CTSV: variants seen among roughly 807,000 people sequenced by gnomAD.
CTSV encodes cathepsin V.
In CTSV, 33 loss-of-function variants were observed where a neutral mutation model predicts 35.6. That is an observed-to-expected ratio of 0.93 (90% CI 0.70 to 1.24). CTSV has a LOEUF of 1.24. CTSV is among the 50% of genes most tolerant of loss of function. CTSV has a pLI of 0.00. For synonymous variants in CTSV, 154 were observed against 147.1 expected (o/e 1.05, Z -0.34); for missense variants, 408 against 413.1 (o/e 0.99, Z 0.11).
intron 7 of CTSV, among the ~76,000 whole-genome samples, chr9:97,033,409 G>C (rs1669727926): frequency 6.7e-6 from 1 of 149,142 alleles, no homozygotes; most frequent in Admixed American, 6.7e-5. Flanking sequence ...TCAGGAGTTT[G>C]AGACCAGCTT....
chr9:97,035,763 C>T (rs1343752874), intron 5 of CTSV, 70 bp from the exon 6 acceptor site: 10 of 1,126,178 alleles, frequency 8.9e-6, no homozygotes, highest in Admixed American at 7.1e-5. Flanking sequence ...GTTCTAGAAC[C>T]GAAACACTCA....
rs1393605154 is a variant in CTSV, at chr9:97,037,832, C to T, written c.126+86G>A. 3.2e-6 allele frequency: 5 copies of T among 1,551,620 alleles called. No individual in the cohort carries two copies. In the East Asian group the frequency reaches 1.1e-4, roughly 35 times the overall value. ...GTTATTGCCTGGTAAGGTCTGGTGT[C>T]TAGAAGCTACTCTCTGGCTATCAAC... is the stretch of plus-strand genomic sequence containing the variant. On this transcript the variant is annotated intron_variant, in intron 2 of 7. Transcript: ENST00000259470.
In CTSV at chr9:97,037,931, C is replaced by A. The variant is rs1172534938; in HGVS notation, c.113G>T (p.Arg38Ile). 6.2e-7 allele frequency: 1 copy of A among 1,614,062 alleles called. No homozygotes were observed. Among genetic ancestry groups the A allele is most frequent in the Non-Finnish European group, 8.5e-7 (1 of 1,180,016 alleles). Reference sequence around the variant, plus strand: ...GATGTTACCAACCGCGCCATATAATCTTCTGTGTGTTGCCTTCCACTGGTA... The same window carrying A: ...GATGTTACCAACCGCGCCATATAATATTCTGTGTGTTGCCTTCCACTGGTA... Reference protein sequence around the residue: ...KWYQWKATHRRLYGANEEGWR... With the variant: ...KWYQWKATHRILYGANEEGWR... The change falls in exon 2 of 8, where the codon AGA (arginine) becomes ATA (isoleucine). Residue 38 changes from arginine (R) to isoleucine (I), a missense_variant. Arg to Ile is a moderately conservative substitution (Grantham distance 97). Coordinates refer to ENST00000259470, the MANE Select transcript of CTSV (RefSeq NM_001333.4).
At position 97,032,844 on chromosome 9, in the gene CTSV, A is replaced by G. The variant is rs1488195832; in HGVS notation, c.*105T>C. ...ATTAAAATCTCAACTTGGATCCTCA[A>G]TGATTCAACTGGTTTATCTTACACA... On this transcript the variant is annotated 3_prime_UTR_variant, in exon 8 of 8. Coordinates refer to ENST00000259470, the MANE Select transcript of CTSV (RefSeq NM_001333.4). 5 of 681,014 alleles carry G rather than the reference A, an allele frequency of 7.3e-6. No individual in the cohort carries two copies. Among genetic ancestry groups the G allele is most frequent in the Non-Finnish European group, 7.2e-6 (3 of 418,994 alleles). 42.2% of individuals were successfully genotyped at this position (681,014 alleles called of 1,614,324 possible). A position where few individuals can be genotyped will look rare whatever the true frequency, so the allele number is the denominator to read the frequency against.
intron 1 of CTSV, chr9:97,038,643 C>T (rs1265031188): frequency 1.3e-5 from 2 of 152,538 alleles, no homozygotes; most frequent in African/African-American, 4.8e-5. Flanking sequence ...GGCCGCGCCG[C>T]TGGAAGCCAG....
At chr9:97,035,317 G>T (rs1023667321) in intron 6 of CTSV, among the ~76,000 whole-genome samples, 1 of 152,188 alleles carries the variant, frequency 6.6e-6, no homozygotes, top group Non-Finnish European at 1.5e-5. Context: ...GGAAAATTAG[G>T]TTGTCTCTAT....
intron 1 of CTSV, 73 bp from the exon 2 acceptor site, chr9:97,038,126 G>T: frequency 6.9e-7 from 1 of 1,443,994 alleles, no homozygotes. Context: ...CCGTGGAATA[G>T]AAATATTTCA....
rs1276688775 is a variant in CTSV, at chr9:97,030,287, G to C, written c.*2662C>G. Reference sequence around the variant, plus strand: ...CTTATTGCTAAGTCCATAGCCTCTAGTATGATGCCCAAGTGTCATAACTAC... The same window carrying C: ...CTTATTGCTAAGTCCATAGCCTCTACTATGATGCCCAAGTGTCATAACTAC... On this transcript the variant is annotated 3_prime_UTR_variant, in exon 8 of 8. Transcript: ENST00000259470. 2 of 152,200 alleles carry C rather than the reference G, an allele frequency of 1.3e-5. No individual in the cohort carries two copies. The highest frequency in any genetic ancestry group is 2.9e-5 in the Non-Finnish European group (2 of 68,036). 9.4% of individuals were successfully genotyped at this position (152,200 alleles called of 1,614,324 possible).
intron 7 of CTSV, among the ~76,000 whole-genome samples, chr9:97,033,652 G>T (rs1828793305): frequency 6.6e-6 from 1 of 150,990 alleles, no homozygotes; most frequent in South Asian, 2.1e-4. Context: ...ATAAAAATTG[G>T]CCAGGCGTGG....
Position 97,032,843 on chromosome 9 carries a change from A to C in CTSV, c.*106T>G, listed in dbSNP as rs15394. 0.21 allele frequency: 137,264 copies of C among 665,888 alleles called. 19,678 individuals carry two copies. Among genetic ancestry groups the C allele is most frequent in the East Asian group, 0.51 (18,578 of 36,778 alleles). 41.2% of individuals were successfully genotyped at this position (665,888 alleles called of 1,614,324 possible). The stretch of plus-strand genomic sequence containing the variant: ...AATTAAAATCTCAACTTGGATCCTC[A>C]ATGATTCAACTGGTTTATCTTACAC... On this transcript the variant is annotated 3_prime_UTR_variant, in exon 8 of 8. Transcript: ENST00000259470.
Position 97,037,563 on chromosome 9 carries a change from T to C in CTSV, c.179A>G (p.Glu60Gly), listed in dbSNP as rs779060340. Residue 60 changes from glutamate (E) to glycine (G), a missense_variant, in exon 3 of 8, where the codon GAA becomes GGA. Physicochemically the swap from Glu to Gly is moderately conservative, Grantham distance 98. Coordinates refer to ENST00000259470, the MANE Select transcript of CTSV (RefSeq NM_001333.4). ...TTGGCTGTATTCCCCATTGTGCAGT[T>C]CAATCATTTTCATATTCTTTTCCCA... ...AVWEKNMKMI[E>G]LHNGEYSQGK... 2.8e-5 allele frequency: 46 copies of C among 1,614,064 alleles called. No homozygotes were observed. Among genetic ancestry groups the C allele is most frequent in the Non-Finnish European group, 3.6e-5 (43 of 1,180,028 alleles).
At chr9:97,035,290 C>T (rs1276735329) in intron 6 of CTSV, among the ~76,000 whole-genome samples, 1 of 152,184 alleles carries the variant, frequency 6.6e-6, no homozygotes, top group Non-Finnish European at 1.5e-5. Flanking sequence ...AAAGGCCCAA[C>T]AACTGGAAAA....
rs1828717519 is a variant in CTSV, at chr9:97,030,183, A to T, written c.*2766T>A. ...AGAAATTTTATCAGTTACAAAAGGA[A>T]ATAACATTTAGAAAACAGTTTCAAC... On this transcript the variant is annotated 3_prime_UTR_variant, in exon 8 of 8. Coordinates refer to ENST00000259470, the MANE Select transcript of CTSV (RefSeq NM_001333.4). The T allele has an allele frequency of 6.6e-6, 1 of 152,230 alleles. No individual in the cohort carries two copies. The highest frequency in any genetic ancestry group is 6.5e-5 in the Admixed American group (1 of 15,286). The allele number at this position is 152,230 out of a possible 1,614,324, so 9.4% of individuals were successfully genotyped here. A position where few individuals can be genotyped will look rare whatever the true frequency, so the allele number is the denominator to read the frequency against.
intron 2 of CTSV, 85 bp from the exon 3 acceptor site, chr9:97,037,700 G>A: frequency 6.4e-7 from 1 of 1,561,976 alleles, no homozygotes; most frequent in South Asian, 1.2e-5. Context: ...AGAAATGGAA[G>A]AGAAACCATG....
chr9:97,032,755 T>C lies in CTSV; in HGVS notation c.*194A>G. 2.3e-6 allele frequency: 1 copy of C among 436,902 alleles called. No individual in the cohort carries two copies. The highest frequency in any genetic ancestry group is 3.3e-5 in the East Asian group (1 of 30,140). The allele number at this position is 436,902 out of a possible 1,614,324, so 27.1% of individuals were successfully genotyped here. On this transcript the variant is annotated 3_prime_UTR_variant, in exon 8 of 8. Coordinates refer to ENST00000259470, the MANE Select transcript of CTSV (RefSeq NM_001333.4). ...ATTAAGCAATGAGTCTTTGATATCA[T>C]AAAGCTGTGTATAACAATAATTAAA...
At chr9:97,033,111 A>C (rs1828783536) in intron 7 of CTSV, 63 bp from the exon 8 acceptor site, 1 of 976,328 alleles carries the variant, frequency 1.0e-6, no homozygotes, top group African/African-American at 1.6e-5. Flanking sequence ...CTCCATTAAT[A>C]ATAATAGCTA....
intron 6 of CTSV, among the ~76,000 whole-genome samples, 171 bp from the exon 7 acceptor site, chr9:97,035,014 G>C (rs190631856): frequency 1.1e-4 from 17 of 152,016 alleles, no homozygotes; most frequent in Admixed American, 2.0e-4. Context: ...GGCTGATAAA[G>C]GAAAAAAGTC....
In CTSV at chr9:97,035,620, T is replaced by C. The variant is rs776974520; in HGVS notation, c.695A>G (p.Lys232Arg). 6.2e-7 allele frequency: 1 copy of C among 1,606,116 alleles called. No individual in the cohort carries two copies. The highest frequency in any genetic ancestry group is 1.1e-5 in the South Asian group (1 of 89,818). ...GACTGCTTTCATCAGGGCCTTCTCC[T>C]TTCCAGGTGCGACCACTGTGAAGCC... ...DTGFTVVAPG[K>R]EKALMKAVAT... Residue 232 changes from lysine to arginine, a missense_variant, in exon 6 of 8, where the codon AAG becomes AGG. Coordinates refer to ENST00000259470, the MANE Select transcript of CTSV (RefSeq NM_001333.4).
At position 97,034,801 on chromosome 9, in the gene CTSV, T is replaced by C. The variant is rs1429331668; in HGVS notation, c.830A>G (p.His277Arg). 1 of 1,614,172 alleles carries C rather than the reference T, an allele frequency of 6.2e-7. No homozygotes were observed. The highest frequency in any genetic ancestry group is 8.5e-7 in the Non-Finnish European group (1 of 1,180,026). ...EPDCSSKNLD[H>R]GVLVVGYGFE... ...GCCGTAGCCAACCACCAGAACACCA[T>C]GATCCAGGTTTTTGCTGCTGCAGTC... is the stretch of plus-strand genomic sequence containing the variant. The change falls in exon 7 of 8, where the codon CAT (histidine) becomes CGT (arginine). Residue 277 changes from histidine (H) to arginine (R), a missense_variant. His to Arg is a conservative substitution (Grantham distance 29). Coordinates refer to ENST00000259470, the MANE Select transcript of CTSV (RefSeq NM_001333.4).
Sources: allele counts gnomAD v4.1 joint callset (sites outside exome capture counted in the v4.1 genomes callset), GRCh38; gene constraint gnomAD v4.1.1; transcripts MANE v1.5; gene names NCBI Gene and HGNC (gene_info 2026-07-23, HGNC 2026-07-21).